ZNF605: variants seen among roughly 807,000 people sequenced by gnomAD.
ZNF605 encodes the protein zinc finger protein 605.
In ZNF605, 9 loss-of-function variants were observed where a neutral mutation model predicts 7.9. The observed-to-expected ratio is 1.14, with a 90% confidence interval of 0.68 to 1.98. The LOEUF is 1.98. ZNF605 is among the 30% of genes most tolerant of loss of function. The pLI is 0.00. For missense variants in ZNF605, 673 were observed against 762.4 expected (o/e 0.88, Z 1.38); for synonymous variants, 255 against 260.1 (o/e 0.98, Z 0.19).
intron 3 of ZNF605, among the ~76,000 whole-genome samples, chr12:132,937,359 C>CAAAAAAAAAAAAAAAAAAAA (rs56281488): frequency 1.2e-5 from 1 of 86,786 alleles, no homozygotes; most frequent in East Asian, 3.5e-4. Flanking sequence ...AACTCTGTCT[C>CAAAAAAAAAAAAAAAAAAAA]AAAAAAAAAA....
At position 132,945,683 on chromosome 12, in the gene ZNF605, C is replaced by T; in HGVS notation, c.-48G>A. 6.2e-7 allele frequency: 1 copy of T among 1,614,226 alleles called. No individual in the cohort carries two copies. Among genetic ancestry groups the T allele is most frequent in the Non-Finnish European group, 8.5e-7 (1 of 1,180,024 alleles). On this transcript the variant is annotated 5_prime_UTR_variant, in exon 3 of 5. Transcript: ENST00000360187. ...TGCTGTTTTGTGACTTCTCTTAGTC[C>T]TGACACCCTGGAGTGGCCTCTGGTC... is the stretch of plus-strand genomic sequence containing the variant.
intron 4 of ZNF605, among the ~76,000 whole-genome samples, chr12:132,932,190 G>A (rs1444407474): frequency 2.0e-5 from 3 of 152,062 alleles, no homozygotes; most frequent in South Asian, 2.1e-4. Context: ...AGTGACTGTC[G>A]TGCCCTGCCC....
chr12:132,949,790 G>A (rs1490219326), intron 1 of ZNF605, among the ~76,000 whole-genome samples: 2 of 152,190 alleles, frequency 1.3e-5, no homozygotes, highest in African/African-American at 4.8e-5. Context: ...GTGAATGGCA[G>A]AGCAAGGACA....
Position 132,936,556 on chromosome 12 carries a change from A to G in ZNF605, c.16-3401T>C, listed in dbSNP as rs374685463. On this transcript the variant is annotated intron_variant, in intron 3 of 4. Coordinates refer to ENST00000360187, the MANE Select transcript of ZNF605 (RefSeq NM_183238.4). ...GGATAAAAACACAAGTTAATGGAACAGAACACAGAACTCAAAAATAAGCCC... is the reference window on the plus strand; with the variant it reads ...GGATAAAAACACAAGTTAATGGAACGGAACACAGAACTCAAAAATAAGCCC... 1.7e-3 allele frequency among the ~76,000 whole-genome samples: 266 copies of G among 152,378 alleles called. 9 individuals carry two copies. The East Asian group carries it at 0.038, about 22-fold the overall frequency.
intron 4 of ZNF605, among the ~76,000 whole-genome samples, chr12:132,927,807 C>T (rs927986436): frequency 1.3e-5 from 2 of 151,878 alleles, no homozygotes; most frequent in African/African-American, 4.8e-5. Flanking sequence ...CAGGTGTGCG[C>T]CATCACACTT....
chr12:132,930,594 G>A (rs1952298556), intron 4 of ZNF605, among the ~76,000 whole-genome samples: 1 of 152,040 alleles, frequency 6.6e-6, no homozygotes, highest in East Asian at 1.9e-4. Context: ...CATTAATCTT[G>A]GCAATTAATT....
At chr12:132,949,051 C>T (rs907180605) in intron 1 of ZNF605, among the ~76,000 whole-genome samples, 221 of 152,290 alleles carry the variant, frequency 1.5e-3, no homozygotes, top group Middle Eastern at 0.01. Context: ...CCTGTATTAA[C>T]TGGCCATAAA....
chr12:132,935,999 T>C (rs1952361784), intron 3 of ZNF605, among the ~76,000 whole-genome samples: 2 of 151,310 alleles, frequency 1.3e-5, no homozygotes, highest in African/African-American at 4.9e-5. Flanking sequence ...AGGTGGAGCT[T>C]GCAGTGAGCC....
intron 1 of ZNF605, among the ~76,000 whole-genome samples, chr12:132,953,554 G>A (rs1952596328): frequency 6.6e-6 from 1 of 152,140 alleles, no homozygotes; most frequent in East Asian, 1.9e-4. Context: ...AGCCTCCTGA[G>A]TAGGTGGGAT....
Position 132,925,269 on chromosome 12 carries a change from C to A in ZNF605, c.*104G>T. ...GACTCCTCAATTCAAGCTTTTTCAA[C>A]AGTCACTGCCTCAATAGGGTTTCTC... On this transcript the variant is annotated 3_prime_UTR_variant, in exon 5 of 5. Coordinates refer to ENST00000360187, the MANE Select transcript of ZNF605 (RefSeq NM_183238.4). 1 of 808,368 alleles carries A rather than the reference C, an allele frequency of 1.2e-6. No homozygotes were observed. Among genetic ancestry groups the A allele is most frequent in the Non-Finnish European group, 1.9e-6 (1 of 532,014 alleles). 50.1% of individuals were successfully genotyped at this position (808,368 alleles called of 1,614,324 possible).
chr12:132,944,783 A>T (rs1257069663), intron 3 of ZNF605: 1 of 153,248 alleles, frequency 6.5e-6, no homozygotes, highest in African/African-American at 2.4e-5. Flanking sequence ...ATGTATATGA[A>T]TAATTATCAA....
At chr12:132,953,079 A>G (rs1365181195) in intron 1 of ZNF605, among the ~76,000 whole-genome samples, 7 of 152,120 alleles carry the variant, frequency 4.6e-5, no homozygotes, top group African/African-American at 1.7e-4. Context: ...CTCCAGGTCC[A>G]CATCCCAAGA....
Position 132,919,416 on chromosome 12 carries a change from C to T in ZNF605, c.*5957G>A, listed in dbSNP as rs1005853800. ...TTTTTTTTTTTTTGAGATGGAGTCT[C>T]GCTTTGTCGCTCAGGCCAGAGTGAG... On this transcript the variant is annotated 3_prime_UTR_variant, in exon 5 of 5. Transcript: ENST00000360187. The T allele has an allele frequency of 4.0e-5, 5 of 124,996 alleles. No homozygotes were observed. The highest frequency in any genetic ancestry group is 8.0e-5 in the Non-Finnish European group (5 of 62,760). 7.7% of individuals were successfully genotyped at this position (124,996 alleles called of 1,614,324 possible). A position where few individuals can be genotyped will look rare whatever the true frequency, so the allele number is the denominator to read the frequency against.
Position 132,941,044 on chromosome 12 carries a change from T to C in ZNF605, c.15+4577A>G, listed in dbSNP as rs910425627. Among the ~76,000 whole-genome samples the C allele has an allele frequency of 2.0e-5, 3 of 152,082 alleles. No individual in the cohort carries two copies. The highest frequency in any genetic ancestry group is 4.4e-5 in the Non-Finnish European group (3 of 68,024). ...ACATTTAGATAAAAATCAGTTCTGC[T>C]CCTAAGAAGCATTTTGTTACCCATA... On this transcript the variant is annotated intron_variant, in intron 3 of 4. Transcript: ENST00000360187. This position sits in a 1 kb window ranked among gnomAD's most constrained non-coding sequence, Gnocchi z 5.1.
chr12:132,936,743 C>T (rs1420176821), intron 3 of ZNF605, among the ~76,000 whole-genome samples: 3 of 151,706 alleles, frequency 2.0e-5, no homozygotes, highest in African/African-American at 7.2e-5. Context: ...CAGACCTAAA[C>T]ATAAAAAACT....
Position 132,925,685 on chromosome 12 carries a change from A to G in ZNF605, c.1614T>C (p.Cys538=). Residue 538 remains cysteine, a synonymous_variant, in exon 5 of 5, where the codon TGT becomes TGC. Transcript: ENST00000360187. The part of the protein sequence containing the change: ...TGEKPYECSE[C]GKAFVQKVQL... ...GCACTTTCTGAACAAATGCTTTCCC[A>G]CATTCACTGCATTCATAGGGTTTCT... The G allele has an allele frequency of 6.2e-7, 1 of 1,614,184 alleles. No homozygotes were observed.
At position 132,933,145 on chromosome 12, in the gene ZNF605, T is replaced by C; in HGVS notation, c.26A>G (p.Glu9Gly). 1 of 1,607,060 alleles carries C rather than the reference T, an allele frequency of 6.2e-7. No homozygotes were observed. The highest frequency in any genetic ancestry group is 1.1e-5 in the South Asian group (1 of 90,000). The change falls in exon 4 of 5, where the codon GAG (glutamate) becomes GGG (glycine). Residue 9 changes from glutamate to glycine, a missense_variant. Glu to Gly is a moderately conservative substitution (Grantham distance 98, BLOSUM62 -2). Coordinates refer to ENST00000360187, the MANE Select transcript of ZNF605 (RefSeq NM_183238.4). This position sits in a 1 kb window ranked among gnomAD's most constrained non-coding sequence, Gnocchi z 4.4. ...CAGCGTGAAATCCACAGCCACATCC[T>C]CAAATGATATCTGGAAAAGCATAAT... MIQSQISF[E>G]DVAVDFTLEE... is the part of the protein sequence containing the mutation.
chr12:132,925,852 T>C lies in ZNF605; in HGVS notation c.1447A>G (p.Arg483Gly), dbSNP rs772379193. ...GEKPYECSEC[R>G]KTFSEKSSLI... Reference sequence around the variant, plus strand: ...CTTGACTTCTCACTGAAGGTTTTCCTGCATTCACTGCATTCATAGGGTTTC... The same window carrying C: ...CTTGACTTCTCACTGAAGGTTTTCCCGCATTCACTGCATTCATAGGGTTTC... The change falls in exon 5 of 5, where the codon AGG (arginine) becomes GGG (glycine). Residue 483 changes from arginine (R) to glycine (G), a missense_variant. Arg to Gly is a moderately radical substitution (Grantham distance 125). Transcript: ENST00000360187. The C allele has an allele frequency of 1.7e-5, 27 of 1,614,010 alleles. No individual in the cohort carries two copies. In the East Asian group the frequency reaches 5.6e-4, roughly 33 times the overall value.
chr12:132,954,876 C>G (rs1474581250), intron 1 of ZNF605, among the ~76,000 whole-genome samples: 2 of 152,088 alleles, frequency 1.3e-5, no homozygotes, highest in African/African-American at 4.8e-5. Flanking sequence ...TACATCCAGA[C>G]TCCCTTGTCA....
Sources: allele counts gnomAD v4.1 joint callset (sites outside exome capture counted in the v4.1 genomes callset), GRCh38; gene constraint gnomAD v4.1.1; non-coding constraint Gnocchi (gnomAD v3.1); transcripts MANE v1.5; gene names NCBI Gene and HGNC (gene_info 2026-07-23, HGNC 2026-07-21).